PXDNL: variants seen among roughly 807,000 people sequenced by gnomAD.
PXDNL encodes probable oxidoreductase PXDNL.
PXDNL carries 145 observed loss-of-function variants against 150.8 expected under a neutral mutation model. The observed-to-expected ratio is 0.96, with a 90% confidence interval of 0.84 to 1.10. The LOEUF (loss-of-function observed/expected upper bound fraction) is 1.10, where lower values mean the gene tolerates loss of function less well. Among genes scored for constraint, PXDNL ranks in the 50% least tolerant of loss-of-function variants. The pLI is 0.00. For missense variants in PXDNL, 2,087 were observed against 1,873.9 expected, an observed-to-expected ratio of 1.11 and a Z score of -2.10; for synonymous variants, 757 against 725.7, an observed-to-expected ratio of 1.04 and a Z score of -0.69.
intron 4 of PXDNL, among the ~76,000 whole-genome samples, chr8:51,520,252 C>G (rs567489104): frequency 6.6e-6 from 1 of 152,262 alleles, no homozygotes; most frequent in South Asian, 2.1e-4. Context: ...AGTGAAATCC[C>G]GCCCTATCTG....
intron 8 of PXDNL, among the ~76,000 whole-genome samples, chr8:51,469,148 T>C (rs533725322): frequency 6.6e-6 from 1 of 152,128 alleles, no homozygotes; most frequent in African/African-American, 2.4e-5. Flanking sequence ...AAATCAGTTA[T>C]TTTTCCTTAA....
intron 22 of PXDNL, 193 bp downstream of exon 22, chr8:51,320,591 T>C (rs1381009514): frequency 3.8e-6 from 2 of 526,336 alleles, no homozygotes; most frequent in Non-Finnish European, 6.7e-6. Context: ...GACTGCTCAT[T>C]AGATTGTGAC....
At chr8:51,805,542 T>C (rs2037667057) in intron 1 of PXDNL, among the ~76,000 whole-genome samples, 1 of 151,098 alleles carries the variant, frequency 6.6e-6, no homozygotes, top group Non-Finnish European at 1.5e-5. Flanking sequence ...AAATTTTTTA[T>C]CAGCTGGACA....
chr8:51,599,150 G>T (rs1201093402), intron 2 of PXDNL, among the ~76,000 whole-genome samples: 1 of 151,998 alleles, frequency 6.6e-6, no homozygotes, highest in African/African-American at 2.4e-5. Flanking sequence ...CTAGCTAGTG[G>T]TCTATCCATC....
chr8:51,450,799 A>T (rs1036519883), intron 10 of PXDNL, among the ~76,000 whole-genome samples: 2 of 152,204 alleles, frequency 1.3e-5, no homozygotes, highest in Non-Finnish European at 1.5e-5. Context: ...CACTGCACAG[A>T]TGAGAAAATT....
At chr8:51,627,568 A>C (rs1814390326) in intron 2 of PXDNL, among the ~76,000 whole-genome samples, 1 of 152,212 alleles carries the variant, frequency 6.6e-6, no homozygotes. Flanking sequence ...AACATAAAAT[A>C]GTAGGTAGCT....
intron 3 of PXDNL, among the ~76,000 whole-genome samples, chr8:51,585,145 G>C (rs1444370734): frequency 6.6e-6 from 1 of 152,170 alleles, no homozygotes; most frequent in Non-Finnish European, 1.5e-5. Context: ...GAAGGGGAAA[G>C]TAAGGAGTGC....
intron 19 of PXDNL, among the ~76,000 whole-genome samples, chr8:51,352,203 A>G (rs953286171): frequency 2.0e-5 from 3 of 152,200 alleles, no homozygotes; most frequent in African/African-American, 7.2e-5. Context: ...AAAGCTAAAA[A>G]TAGAACTACC....
chr8:51,680,732 G>A (rs1815726755), intron 1 of PXDNL, among the ~76,000 whole-genome samples: 1 of 152,154 alleles, frequency 6.6e-6, no homozygotes, highest in Non-Finnish European at 1.5e-5. Context: ...TAGGACTACT[G>A]CTCGCTCGCT....
At chr8:51,502,664 GT>G (rs766240197) in intron 4 of PXDNL, among the ~76,000 whole-genome samples, 61 of 129,436 alleles carry the variant, frequency 4.7e-4, no homozygotes, top group Non-Finnish European at 8.6e-4. Context: ...CCCAGTAGAA[GT>G]GTTTTTTTTT....
intron 21 of PXDNL, among the ~76,000 whole-genome samples, chr8:51,336,503 C>T (rs949527917): frequency 1.3e-5 from 2 of 152,198 alleles, no homozygotes; most frequent in African/African-American, 4.8e-5. Flanking sequence ...ATACTCAGGG[C>T]TTGTCGCATC....
intron 10 of PXDNL, among the ~76,000 whole-genome samples, chr8:51,451,892 G>A (rs551373301): frequency 1.3e-5 from 2 of 152,138 alleles, no homozygotes; most frequent in East Asian, 3.9e-4. Flanking sequence ...AAAAATCTGG[G>A]CACACAGATC....
rs1420658464 is a variant in PXDNL, at chr8:51,408,737, C to G, written c.2887G>C (p.Glu963Gln). The change falls in exon 17 of 23, where the codon GAG (glutamate) becomes CAG (glutamine). Residue 963 changes from glutamate (E) to glutamine (Q), a missense_variant. Transcript: ENST00000356297. Reference protein sequence around the residue: ...CFLAGDHRANEHLALAAMHTL... With the variant: ...CFLAGDHRANQHLALAAMHTL... ...TGCATGGCGGCCAGAGCCAGATGCT[C>G]GTTGGCCCGGTGGTCCCCGGCCAGG... The G allele has an allele frequency of 2.5e-6, 4 of 1,588,674 alleles. No individual in the cohort carries two copies. In the South Asian group the frequency reaches 4.6e-5, roughly 18 times the overall value.
At chr8:51,444,048 C>T (rs1809615089) in intron 12 of PXDNL, among the ~76,000 whole-genome samples, 1 of 152,164 alleles carries the variant, frequency 6.6e-6, no homozygotes, top group African/African-American at 2.4e-5. Context: ...TCCTTTATCA[C>T]ACAAACTACT....
At chr8:51,426,962 G>A (rs1809121782) in intron 12 of PXDNL, among the ~76,000 whole-genome samples, 1 of 152,158 alleles carries the variant, frequency 6.6e-6, no homozygotes, top group Non-Finnish European at 1.5e-5. Flanking sequence ...GCAGGTATTA[G>A]GCAAAAGGAA....
At chr8:51,373,240 G>A (rs1468943485) in intron 18 of PXDNL, among the ~76,000 whole-genome samples, 2 of 152,208 alleles carry the variant, frequency 1.3e-5, no homozygotes, top group Non-Finnish European at 2.9e-5. Flanking sequence ...AAGACCACGT[G>A]AAGACACAGG....
intron 3 of PXDNL, among the ~76,000 whole-genome samples, chr8:51,565,075 T>G (rs531557991): frequency 3.4e-4 from 51 of 151,862 alleles, no homozygotes; most frequent in Non-Finnish European, 2.7e-4. Flanking sequence ...CAATACAGGT[T>G]AAGCATCCCT....
At position 51,475,024 on chromosome 8, in the gene PXDNL, C is replaced by T. The variant is rs537584744; in HGVS notation, c.642G>A (p.Arg214=). The change falls in exon 7 of 23, where the codon AGG becomes AGA. Residue 214 remains arginine (R), a synonymous_variant. Coordinates refer to ENST00000356297, the MANE Select transcript of PXDNL (RefSeq NM_144651.5). ...AAGCAACTGCACGCCCATGGAGTCT[C>T]CTGGGATATTCGCAGGTAGCCGCAG... ...TQAAATCEYP[R]RLHGRAVASV... 9.9e-6 allele frequency: 16 copies of T among 1,612,146 alleles called. No individual in the cohort carries two copies. The African/African-American group carries it at 1.6e-4, about 16-fold the overall frequency.
intron 12 of PXDNL, among the ~76,000 whole-genome samples, chr8:51,431,346 T>C (rs1809241562): frequency 6.6e-6 from 1 of 152,218 alleles, no homozygotes; most frequent in Admixed American, 6.5e-5. Flanking sequence ...CCCTCTTCAC[T>C]TGTTTCCAAG....
Sources: allele counts gnomAD v4.1 joint callset (sites outside exome capture counted in the v4.1 genomes callset), GRCh38; gene constraint gnomAD v4.1.1; transcripts MANE v1.5; gene names NCBI Gene and HGNC (gene_info 2026-07-23, HGNC 2026-07-21).